LIMS2: variants seen among roughly 807,000 people sequenced by gnomAD.
LIMS2 encodes the protein LIM and senescent cell antigen-like-containing domain protein 2.
In LIMS2, 30 loss-of-function variants were observed where a neutral mutation model predicts 45.3. The ratio of observed to expected loss-of-function variants is 0.66; its 90% CI spans 0.50 to 0.90. LIMS2 has a LOEUF of 0.90. Among genes scored for constraint, LIMS2 ranks in the 40% least tolerant of loss-of-function variants. LIMS2 has a pLI of 0.00. For missense variants in LIMS2, 485 were observed against 468.7 expected (o/e 1.03, Z -0.32); for synonymous variants, 173 against 188.0 (o/e 0.92, Z 0.65).
At chr2:127,676,059 C>T (rs1217054982), upstream of LIMS2, among the ~76,000 whole-genome samples, 2 of 152,234 alleles carry the variant, frequency 1.3e-5, no homozygotes, top group African/African-American at 4.8e-5. Context: ...TTTAGGGAAT[C>T]TCTTCGGAGG....
At position 127,675,492 on chromosome 2, in the gene LIMS2, G is replaced by C. The variant is rs1685473581; in HGVS notation, c.-468C>G. Among the ~76,000 whole-genome samples the C allele has an allele frequency of 6.6e-6, 1 of 151,962 alleles. No homozygotes were observed. Among genetic ancestry groups the C allele is most frequent in the African/African-American group, 2.4e-5 (1 of 41,406 alleles). The stretch of plus-strand genomic sequence containing the variant: ...CGGAGCGCGGCCAGCGGCGGGCGCG[G>C]GTCAAGTCCTTCCCAACCCGGGCTC... On this transcript the variant is annotated 5_prime_UTR_variant, in exon 1 of 10. Coordinates refer to ENST00000355119, the MANE Select transcript of LIMS2 (RefSeq NM_001161403.3).
At position 127,653,425 on chromosome 2, in the gene LIMS2, T is replaced by C. The variant is rs1683999292; in HGVS notation, c.359+999A>G. Among the ~76,000 whole-genome samples, 2 of 152,022 alleles carry C rather than the reference T, an allele frequency of 1.3e-5. No individual in the cohort carries two copies. Among genetic ancestry groups the C allele is most frequent in the Non-Finnish European group, 2.9e-5 (2 of 67,986 alleles). On this transcript the variant is annotated intron_variant, in intron 4 of 9. Transcript: ENST00000355119. This position sits in a 1 kb window ranked among gnomAD's most constrained non-coding sequence, Gnocchi z 5.3. ...TGGTGGACACCAAGTGGAGGTGACA[T>C]GTGGGCAGCTGAGGACAGCGAGAGA...
Position 127,642,192 on chromosome 2 carries a change from G to C in LIMS2, c.517C>G (p.Leu173Val), listed in dbSNP as rs1200220600. 1 of 1,555,752 alleles carries C rather than the reference G, an allele frequency of 6.4e-7. No homozygotes were observed. Among genetic ancestry groups the C allele is most frequent in the African/African-American group, 1.4e-5 (1 of 73,714 alleles). Residue 173 changes from leucine (L) to valine (V), a missense_variant, in exon 6 of 10, where the codon CTG (leucine) becomes GTG (valine). Leu to Val is a conservative substitution (Grantham distance 32). Transcript: ENST00000355119. This position sits in a 1 kb window ranked among gnomAD's most constrained non-coding sequence, Gnocchi z 5.3. Reference protein sequence around the residue: ...HFNCTHCGKELTAEARELKGE... With the variant: ...HFNCTHCGKEVTAEARELKGE... ...TTCAGCTCGCGGGCCTCGGCTGTCA[G>C]CTCCTTCCTGGAAGACAGCGTGCAG...
At position 127,653,743 on chromosome 2, in the gene LIMS2, G is replaced by A. The variant is rs369745590; in HGVS notation, c.359+681C>T. Among the ~76,000 whole-genome samples the A allele has an allele frequency of 7.2e-5, 11 of 152,250 alleles. No individual in the cohort carries two copies. The highest frequency in any genetic ancestry group is 4.6e-4 in the Admixed American group (7 of 15,300). On this transcript the variant is annotated intron_variant, in intron 4 of 9. Transcript: ENST00000355119. This position sits in a 1 kb window ranked among gnomAD's most constrained non-coding sequence, Gnocchi z 5.3. ...AGGAGGTGTGGGTCCCTGGGCAGATGAGGCCAGGGTAGCACACGCGAGGGG... is the reference window on the plus strand; with the variant it reads ...AGGAGGTGTGGGTCCCTGGGCAGATAAGGCCAGGGTAGCACACGCGAGGGG...
At chr2:127,666,486 C>T (rs1573841741) in intron 1 of LIMS2, among the ~76,000 whole-genome samples, 1 of 152,088 alleles carries the variant, frequency 6.6e-6, no homozygotes, top group Non-Finnish European at 1.5e-5. Context: ...AATAATAGCT[C>T]GTGGTCCCAG....
chr2:127,675,542 G>A (rs1685475494), upstream of LIMS2, among the ~76,000 whole-genome samples: 1 of 152,096 alleles, frequency 6.6e-6, no homozygotes, highest in Admixed American at 6.5e-5. Flanking sequence ...TGGATTCCGG[G>A]CATAGCTTTC....
Position 127,642,779 on chromosome 2 carries a change from C to G in LIMS2, c.509+144G>C, listed in dbSNP as rs1406481219. The G allele has an allele frequency of 3.4e-6, 3 of 893,802 alleles. No individual in the cohort carries two copies. In the African/African-American group the frequency reaches 5.0e-5, roughly 15 times the overall value. The allele number at this position is 893,802 out of a possible 1,614,324, so 55.4% of individuals were successfully genotyped here. A position where few individuals can be genotyped will look rare whatever the true frequency, so the allele number is the denominator to read the frequency against. On this transcript the variant is annotated intron_variant, in intron 5 of 9. Coordinates refer to ENST00000355119, the MANE Select transcript of LIMS2 (RefSeq NM_001161403.3). The surrounding 1 kb of genome is among the most constrained non-coding windows in gnomAD (Gnocchi z 5.3). Reference sequence around the variant, plus strand: ...CCCCCAGCCCACCTCTGCCCTGCAGCCTTGCTCTCGGGACCCCTCTGTCTG... The same window carrying G: ...CCCCCAGCCCACCTCTGCCCTGCAGGCTTGCTCTCGGGACCCCTCTGTCTG...
Position 127,664,185 on chromosome 2 carries a change from A to G in LIMS2, c.12-6623T>C. 3 of 771,302 alleles carry G rather than the reference A, an allele frequency of 3.9e-6. No homozygotes were observed. The highest frequency in any genetic ancestry group is 5.1e-6 in the Non-Finnish European group (3 of 588,456). 47.8% of individuals were successfully genotyped at this position (771,302 alleles called of 1,614,324 possible). Reference sequence around the variant, plus strand: ...CTGTCGCCAACCCAGGGCCCATCCGACGCCGGGGCAGAGCCCACGGCGTCG... The same window carrying G: ...CTGTCGCCAACCCAGGGCCCATCCGGCGCCGGGGCAGAGCCCACGGCGTCG... On this transcript the variant is annotated intron_variant, in intron 1 of 9. Coordinates refer to ENST00000355119, the MANE Select transcript of LIMS2 (RefSeq NM_001161403.3). The surrounding 1 kb of genome is among the most constrained non-coding windows in gnomAD (Gnocchi z 5.5).
intron 4 of LIMS2, chr2:127,645,801 C>G (rs960415213): frequency 1.3e-5 from 2 of 152,270 alleles, no homozygotes; most frequent in African/African-American, 4.8e-5. Flanking sequence ...CTGGGAGCGC[C>G]GCCTGTTGCC....
chr2:127,669,717 T>TA (rs113528757), intron 1 of LIMS2, among the ~76,000 whole-genome samples: 36,426 of 148,888 alleles, frequency 0.24, 4,471 homozygotes, highest in South Asian at 0.33. Context: ...GACTCCATCT[T>TA]AAAAAAAAAA....
chr2:127,654,686 GGCCTGACGGCT>G, intron 3 of LIMS2, 133 bp downstream of exon 3: 1 of 1,479,020 alleles, frequency 6.8e-7, no homozygotes, highest in Non-Finnish European at 9.3e-7. Flanking sequence ...GCCTGTAGGG[GGCCTGACGGCT>G]GCCGCTCAGA....
In LIMS2 at chr2:127,642,215, C is replaced by A; in HGVS notation, c.510-16G>T. ...CAGCTCCTTCCTGGAAGACAGCGTG[C>A]AGCCCCCAGGTGCCACCCCTGCCCT... On this transcript the variant is annotated splice_polypyrimidine_tract_variant and intron_variant, in intron 5 of 9. Coordinates refer to ENST00000355119, the MANE Select transcript of LIMS2 (RefSeq NM_001161403.3). The surrounding 1 kb of genome is among the most constrained non-coding windows in gnomAD (Gnocchi z 5.3). 2 of 1,524,584 alleles carry A rather than the reference C, an allele frequency of 1.3e-6. No individual in the cohort carries two copies. Among genetic ancestry groups the A allele is most frequent in the South Asian group, 1.3e-5 (1 of 79,532 alleles). 94.4% of individuals were successfully genotyped at this position (1,524,584 alleles called of 1,614,324 possible).
chr2:127,654,567 T>G, intron 3 of LIMS2, 23 bp from the exon 4 acceptor site: 1 of 1,614,012 alleles, frequency 6.2e-7, no homozygotes, highest in Non-Finnish European at 8.5e-7. Flanking sequence ...AGGTCCCTGC[T>G]GGCTGGGGAG....
rs774811834 is a variant in LIMS2, at chr2:127,642,190, C to T, written c.519G>A (p.Leu173=). The T allele has an allele frequency of 2.6e-6, 4 of 1,557,996 alleles. No individual in the cohort carries two copies. The highest frequency in any genetic ancestry group is 2.3e-5 in the South Asian group (2 of 85,210). ...CCTTCAGCTCGCGGGCCTCGGCTGT[C>T]AGCTCCTTCCTGGAAGACAGCGTGC... ...HFNCTHCGKE[L]TAEARELKGE... is the part of the protein sequence containing the mutation. Residue 173 remains leucine, a synonymous_variant, in exon 6 of 10, where the codon CTG becomes CTA. Coordinates refer to ENST00000355119, the MANE Select transcript of LIMS2 (RefSeq NM_001161403.3). The surrounding 1 kb of genome is among the most constrained non-coding windows in gnomAD (Gnocchi z 5.3).
At chr2:127,648,081 A>C (rs1321446025) in intron 4 of LIMS2, 1 of 985,392 alleles carries the variant, frequency 1.0e-6, no homozygotes, top group Non-Finnish European at 1.2e-6. Context: ...CCGTGGTTTT[A>C]GCAGTCCTAG....
In LIMS2 at chr2:127,667,297, A is replaced by T. The variant is rs1275030379; in HGVS notation, c.11+7717T>A. ...CAGAGTGAGATCTTGTCTCAAAAAG[A>T]GAAAAAAACAAAAAACAAAAAACAA... On this transcript the variant is annotated intron_variant, in intron 1 of 9. Transcript: ENST00000355119. The surrounding 1 kb of genome is among the most constrained non-coding windows in gnomAD (Gnocchi z 4.1). 6.6e-6 allele frequency among the ~76,000 whole-genome samples: 1 copy of T among 152,188 alleles called. No homozygotes were observed. The highest frequency in any genetic ancestry group is 1.5e-5 in the Non-Finnish European group (1 of 68,034).
At chr2:127,641,198 AC>A in intron 6 of LIMS2, 1 of 547,378 alleles carries the variant, frequency 1.8e-6, no homozygotes, top group Non-Finnish European at 3.3e-6. Context: ...GAGGGGACTG[AC>A]ACCTCTGTGA....
At chr2:127,650,661 C>A (rs190276581) in intron 4 of LIMS2, 25 of 1,246,136 alleles carry the variant, frequency 2.0e-5, no homozygotes, top group South Asian at 4.1e-5. Context: ...CTTCAGAGAG[C>A]GTGAAGCTGC....
At chr2:127,651,096 T>G in intron 4 of LIMS2, 1 of 1,613,706 alleles carries the variant, frequency 6.2e-7, no homozygotes, top group Non-Finnish European at 8.5e-7. Flanking sequence ...CAGCATCTAC[T>G]TCCTCACCTG....
Sources: allele counts gnomAD v4.1 joint callset (sites outside exome capture counted in the v4.1 genomes callset), GRCh38; gene constraint gnomAD v4.1.1; non-coding constraint Gnocchi (gnomAD v3.1); transcripts MANE v1.5; gene names NCBI Gene and HGNC (gene_info 2026-07-23, HGNC 2026-07-21).